Variants in SECISBP2L observed in about 807,000 individuals in gnomAD.
SECISBP2L encodes the protein selenocysteine insertion sequence-binding protein 2-like.
A neutral mutation model predicts 114.7 loss-of-function variants in SECISBP2L; 43 were observed. That is an observed-to-expected ratio of 0.38 (90% confidence interval 0.29 to 0.48). The LOEUF is 0.48. Among genes scored for constraint, SECISBP2L ranks in the 20% least tolerant of loss-of-function variants. The pLI, the probability that SECISBP2L is intolerant of heterozygous loss-of-function variation, is 0.98. For missense variants in SECISBP2L, 1,136 were observed against 1,301.1 expected, an observed-to-expected ratio of 0.87 and a Z score of 1.95; for synonymous variants, 451 against 439.7, an observed-to-expected ratio of 1.03 and a Z score of -0.32.
At chr15:48,998,153 T>A (rs1260143621) in intron 16 of SECISBP2L, among the ~76,000 whole-genome samples, 2 of 152,182 alleles carry the variant, frequency 1.3e-5, no homozygotes, top group African/African-American at 4.8e-5. Flanking sequence ...AACCTTGAGA[T>A]GAAAGCATGG....
In SECISBP2L at chr15:49,046,325, C is replaced by A; in HGVS notation, c.-26G>T. ...GGTGCCTGCAGCCGCAACGGGCCCGCGCTAGTCGGTGTAAACAGCGCCTCG... is the reference window on the plus strand; with the variant it reads ...GGTGCCTGCAGCCGCAACGGGCCCGAGCTAGTCGGTGTAAACAGCGCCTCG... On this transcript the variant is annotated 5_prime_UTR_variant, in exon 1 of 18. Coordinates refer to ENST00000559471, the MANE Select transcript of SECISBP2L (RefSeq NM_001193489.2). 1 of 1,533,880 alleles carries A rather than the reference C, an allele frequency of 6.5e-7. No individual in the cohort carries two copies. Among genetic ancestry groups the A allele is most frequent in the African/African-American group, 1.4e-5 (1 of 71,152 alleles).
At chr15:49,034,670 T>TTTTTTG (rs1555387332) in intron 3 of SECISBP2L, among the ~76,000 whole-genome samples, 1 of 14,392 alleles carries the variant, frequency 6.9e-5, no homozygotes, top group African/African-American at 2.1e-4. Context: ...ATATCTTTTG[T>TTTTTTG]TTTTTTTTTT....
intron 7 of SECISBP2L, 30 bp downstream of exon 7, chr15:49,027,335 A>G (rs745567108): frequency 2.6e-6 from 4 of 1,509,926 alleles, no homozygotes; most frequent in Non-Finnish European, 3.7e-6. Context: ...CTCATACCTA[A>G]TCAATTTTCT....
intron 8 of SECISBP2L, 34 bp downstream of exon 8, chr15:49,019,382 CTA>C: frequency 7.3e-7 from 1 of 1,363,388 alleles, no homozygotes; most frequent in South Asian, 1.9e-5. Context: ...GGAACATTTC[CTA>C]TAACAGCTTA....
intron 7 of SECISBP2L, among the ~76,000 whole-genome samples, chr15:49,027,117 CT>C (rs1267860870): frequency 1.3e-4 from 20 of 152,176 alleles, no homozygotes; most frequent in South Asian, 1.2e-3. Flanking sequence ...AAAGGGCATC[CT>C]TTTTTAACAT....
intron 8 of SECISBP2L, among the ~76,000 whole-genome samples, chr15:49,018,026 T>G (rs534733452): frequency 6.6e-6 from 1 of 152,200 alleles, no homozygotes; most frequent in Non-Finnish European, 1.5e-5. Context: ...CACACAATTG[T>G]CAATAAGGTT....
At position 49,046,328 on chromosome 15, in the gene SECISBP2L, T is replaced by G; in HGVS notation, c.-29A>C. On this transcript the variant is annotated 5_prime_UTR_variant, in exon 1 of 18. The change abolishes the stop of an existing upstream ORF in the 5' untranslated region. Transcript: ENST00000559471. ...GCCTGCAGCCGCAACGGGCCCGCGC[T>G]AGTCGGTGTAAACAGCGCCTCGGGC... The G allele has an allele frequency of 2.0e-6, 3 of 1,530,478 alleles. No homozygotes were observed. Among genetic ancestry groups the G allele is most frequent in the Non-Finnish European group, 2.6e-6 (3 of 1,137,918 alleles). 94.8% of individuals were successfully genotyped at this position (1,530,478 alleles called of 1,614,324 possible). A position where few individuals can be genotyped will look rare whatever the true frequency, so the allele number is the denominator to read the frequency against.
In SECISBP2L at chr15:49,028,690, G is replaced by T. The variant is rs1298178411; in HGVS notation, c.665-8C>A. ...CGATATCTGATGGGAAATCTACAAA[G>T]GCAAGGAAAGTTTGACAATTCTTTG... On this transcript the variant is annotated splice_polypyrimidine_tract_variant and splice_region_variant and intron_variant, in intron 4 of 17. Coordinates refer to ENST00000559471, the MANE Select transcript of SECISBP2L (RefSeq NM_001193489.2). 6.2e-7 allele frequency: 1 copy of T among 1,604,380 alleles called. No individual in the cohort carries two copies. Among genetic ancestry groups the T allele is most frequent in the Non-Finnish European group, 8.5e-7 (1 of 1,171,650 alleles).
chr15:49,013,911 A>C lies in SECISBP2L; in HGVS notation c.1562-1094T>G, dbSNP rs139016201. ...CCCTTGACTTTTTTCTTGATCCCCT[A>C]ATAAGATGCTAGAATCTTCTATCTA... is the stretch of plus-strand genomic sequence containing the variant. On this transcript the variant is annotated intron_variant, in intron 11 of 17. Coordinates refer to ENST00000559471, the MANE Select transcript of SECISBP2L (RefSeq NM_001193489.2). Among the ~76,000 whole-genome samples, 929 of 152,180 alleles carry C rather than the reference A, an allele frequency of 6.1e-3. 13 individuals are homozygous for C. The highest frequency in any genetic ancestry group is 0.021 in the African/African-American group (890 of 41,500).
chr15:49,031,691 T>C (rs1398384172), intron 4 of SECISBP2L, among the ~76,000 whole-genome samples: 1 of 152,184 alleles, frequency 6.6e-6, no homozygotes, highest in Non-Finnish European at 1.5e-5. Context: ...ATCCTCAGAT[T>C]TGAAAACTAA....
intron 7 of SECISBP2L, among the ~76,000 whole-genome samples, chr15:49,023,155 C>G (rs1397512248): frequency 6.6e-6 from 1 of 151,918 alleles, no homozygotes; most frequent in African/African-American, 2.4e-5. Flanking sequence ...GAAAACCTAG[C>G]AAAATATTTG....
At position 49,032,863 on chromosome 15, in the gene SECISBP2L, G is replaced by C. The variant is rs373569712; in HGVS notation, c.664+102C>G. 259 of 1,400,976 alleles carry C rather than the reference G, an allele frequency of 1.8e-4. 4 individuals carry two copies. In the South Asian group the frequency reaches 3.2e-3, roughly 17 times the overall value. 86.8% of individuals were successfully genotyped at this position (1,400,976 alleles called of 1,614,324 possible). A position where few individuals can be genotyped will look rare whatever the true frequency, so the allele number is the denominator to read the frequency against. ...AAAGTGGCAGGACAAATGAAAGGATGAAAGTCTACAATTCTGACAAGTGGT... is the reference window on the plus strand; with the variant it reads ...AAAGTGGCAGGACAAATGAAAGGATCAAAGTCTACAATTCTGACAAGTGGT... On this transcript the variant is annotated intron_variant, in intron 4 of 17. Coordinates refer to ENST00000559471, the MANE Select transcript of SECISBP2L (RefSeq NM_001193489.2).
At chr15:49,044,262 A>G (rs1231022787) in intron 1 of SECISBP2L, among the ~76,000 whole-genome samples, 1 of 152,212 alleles carries the variant, frequency 6.6e-6, no homozygotes, top group African/African-American at 2.4e-5. Flanking sequence ...GTAGAAATAC[A>G]AAAGTATAAT....
chr15:49,001,425 TAAC>T (rs1439474757), intron 14 of SECISBP2L, among the ~76,000 whole-genome samples: 4 of 151,984 alleles, frequency 2.6e-5, no homozygotes, highest in Non-Finnish European at 5.9e-5. Context: ...TCTGATAAAT[TAAC>T]AAATATATTT....
intron 15 of SECISBP2L, 52 bp downstream of exon 15, chr15:49,000,825 G>T: frequency 7.0e-7 from 1 of 1,425,542 alleles, no homozygotes; most frequent in Non-Finnish European, 9.7e-7. Context: ...TATATTCACT[G>T]TATATCCCAC....
At position 49,046,394 on chromosome 15, in the gene SECISBP2L, C is replaced by G. The variant is rs1383475762; in HGVS notation, c.-95G>C. 3.8e-6 allele frequency: 5 copies of G among 1,299,426 alleles called. No individual in the cohort carries two copies. The highest frequency in any genetic ancestry group is 4.0e-6 in the Non-Finnish European group (4 of 992,384). 80.5% of individuals were successfully genotyped at this position (1,299,426 alleles called of 1,614,324 possible). A position where few individuals can be genotyped will look rare whatever the true frequency, so the allele number is the denominator to read the frequency against. ...CCCCCGCTCGGGTCCAGACTGGGTT[C>G]CGGACCTCCGCCCCTATCTGGCTGG... is the stretch of plus-strand genomic sequence containing the variant. On this transcript the variant is annotated 5_prime_UTR_variant, in exon 1 of 18. Transcript: ENST00000559471.
At chr15:49,041,221 T>C (rs931328136) in intron 1 of SECISBP2L, among the ~76,000 whole-genome samples, 5 of 152,214 alleles carry the variant, frequency 3.3e-5, no homozygotes, top group African/African-American at 1.2e-4. Flanking sequence ...TATCTTCATC[T>C]TTCAGAAATT....
At chr15:49,044,984 C>G (rs914904741) in intron 1 of SECISBP2L, among the ~76,000 whole-genome samples, 1 of 152,100 alleles carries the variant, frequency 6.6e-6, no homozygotes, top group Non-Finnish European at 1.5e-5. Context: ...TTTGAAATCT[C>G]AGGTATTTAT....
At chr15:49,010,323 C>T (rs1473275649) in intron 13 of SECISBP2L, among the ~76,000 whole-genome samples, 3 of 152,010 alleles carry the variant, frequency 2.0e-5, no homozygotes, top group Non-Finnish European at 4.4e-5. Flanking sequence ...CCACCCCGGT[C>T]TCTCTCTTAT....
Sources: gnomAD v4.1 joint callset for allele counts (sites outside exome capture counted in the v4.1 genomes callset) on GRCh38, gnomAD v4.1.1 for gene constraint, MANE v1.5 for transcripts, NCBI Gene and HGNC (gene_info 2026-07-23, HGNC 2026-07-21) for gene names.